Variants in RYR3 observed in about 807,000 individuals in gnomAD.
The protein encoded by RYR3 is ryanodine receptor 3.
Under a neutral mutation model 584.3 loss-of-function variants are expected in RYR3, and 207 were observed. The observed-to-expected ratio is 0.35, with a 90% confidence interval of 0.32 to 0.40. The LOEUF is 0.40. Among genes scored for constraint, RYR3 ranks in the 10% least tolerant of loss-of-function variants. The pLI is 1.00. For synonymous variants in RYR3, 2,416 were observed against 2,248.5 expected, an observed-to-expected ratio of 1.07 and a Z score of -2.11; for missense variants, 5,616 against 6,089.2, an observed-to-expected ratio of 0.92 and a Z score of 2.59.
rs376276450 is a variant in RYR3, at chr15:33,649,058, C to T, written c.3979-14C>T. The T allele has an allele frequency of 1.9e-4, 298 of 1,601,740 alleles. 1 individual carries two copies. The African/African-American group carries it at 2.4e-3, about 13-fold the overall frequency. ...GCTGGGGGCCATTGACTCCCCTCTG[C>T]GGTCTCTCCACAGCAGTGCTACTAC... On this transcript the variant is annotated splice_polypyrimidine_tract_variant and intron_variant, in intron 30 of 103. Coordinates refer to ENST00000634891, the MANE Select transcript of RYR3 (RefSeq NM_001036.6).
At chr15:33,350,230 C>A (rs543737176) in intron 1 of RYR3, among the ~76,000 whole-genome samples, 1 of 152,062 alleles carries the variant, frequency 6.6e-6, no homozygotes. Context: ...TATATATGCA[C>A]CCAATACAGG....
At chr15:33,404,585 G>GTTTTTTTTTTTTTTTTT (rs200311525) in intron 1 of RYR3, among the ~76,000 whole-genome samples, 2 of 127,762 alleles carry the variant, frequency 1.6e-5, no homozygotes, top group Non-Finnish European at 1.6e-5. Flanking sequence ...ATTTACTACT[G>GTTTTTTTTTTTTTTTTT]TGTGTTTTTT....
chr15:33,428,597 T>C (rs79207733), intron 1 of RYR3, among the ~76,000 whole-genome samples: 2,751 of 152,290 alleles, frequency 0.018, 78 homozygotes, highest in African/African-American at 0.06. Flanking sequence ...TTCAGAGTTT[T>C]TTTTTCTGTC....
At chr15:33,357,437 C>G (rs1974137233) in intron 1 of RYR3, among the ~76,000 whole-genome samples, 1 of 152,150 alleles carries the variant, frequency 6.6e-6, no homozygotes, top group Non-Finnish European at 1.5e-5. Flanking sequence ...CTTTGTCACC[C>G]TCACCTGTCA....
chr15:33,833,876 G>T (rs574947571), intron 86 of RYR3, among the ~76,000 whole-genome samples: 2 of 152,268 alleles, frequency 1.3e-5, no homozygotes, highest in Admixed American at 1.3e-4. Context: ...TAATATATGT[G>T]TTCCTTTTAG....
intron 1 of RYR3, among the ~76,000 whole-genome samples, chr15:33,428,063 A>G (rs2044793732): frequency 6.6e-6 from 1 of 152,060 alleles, no homozygotes; most frequent in African/African-American, 2.4e-5. Flanking sequence ...ATTGTCTGTT[A>G]TCTTTGTATT....
intron 60 of RYR3, among the ~76,000 whole-genome samples, chr15:33,759,474 C>T (rs2072210389): frequency 6.6e-6 from 1 of 151,218 alleles, no homozygotes; most frequent in Admixed American, 6.6e-5. Context: ...AGCTGAAAAA[C>T]ACAGCACAAG....
chr15:33,587,474 A>G (rs2058915409), intron 16 of RYR3, among the ~76,000 whole-genome samples: 1 of 152,208 alleles, frequency 6.6e-6, no homozygotes, highest in South Asian at 2.1e-4. Context: ...AAAAGCCACA[A>G]AGCATTTGAT....
intron 38 of RYR3, among the ~76,000 whole-genome samples, chr15:33,680,128 A>G (rs1044160347): frequency 2.0e-5 from 3 of 152,336 alleles, no homozygotes; most frequent in Admixed American, 6.5e-5. Context: ...TGAGAATAAT[A>G]GTAGCTCCTA....
intron 1 of RYR3, among the ~76,000 whole-genome samples, chr15:33,438,807 G>T (rs905317986): frequency 2.0e-5 from 3 of 151,676 alleles, no homozygotes; most frequent in Admixed American, 2.0e-4. Context: ...ATAACTAAAA[G>T]AATGGACTCT....
rs2068155098 is a variant in RYR3, at chr15:33,724,054, G to C, written c.6801-11G>C. ...ACCTTCCTCACACCTCCCCTCTGTT[G>C]GTTCTCTCAGCAGCACGGGGGACGA... is the stretch of plus-strand genomic sequence containing the variant. On this transcript the variant is annotated splice_polypyrimidine_tract_variant and intron_variant, in intron 44 of 103. Transcript: ENST00000634891. 2.0e-6 allele frequency: 3 copies of C among 1,525,346 alleles called. No homozygotes were observed. In the South Asian group the frequency reaches 3.4e-5, roughly 17 times the overall value. The allele number at this position is 1,525,346 out of a possible 1,614,324, so 94.5% of individuals were successfully genotyped here.
At chr15:33,684,071 A>G (rs2064822304) in intron 38 of RYR3, among the ~76,000 whole-genome samples, 1 of 152,266 alleles carries the variant, frequency 6.6e-6, no homozygotes, top group Admixed American at 6.5e-5. Flanking sequence ...AGCTGAACAA[A>G]AGGCAGCAGA....
Position 33,854,831 on chromosome 15 carries a change from T to C in RYR3, c.13926T>C (p.Phe4642=). 6.2e-7 allele frequency: 1 copy of C among 1,613,964 alleles called. No individual in the cohort carries two copies. Among genetic ancestry groups the C allele is most frequent in the South Asian group, 1.1e-5 (1 of 91,046 alleles). Residue 4642 remains phenylalanine, a synonymous_variant, in exon 98 of 104, where the codon TTT becomes TTC. Transcript: ENST00000634891. Reference sequence around the variant, plus strand: ...TGGGCCACTACAATAACTTCTTCTTTGCTGCTCACCTATTGGACATCGCAA... The same window carrying C: ...TGGGCCACTACAATAACTTCTTCTTCGCTGCTCACCTATTGGACATCGCAA... ...SVLGHYNNFF[F]AAHLLDIAMG... is the part of the protein sequence containing the mutation.
chr15:33,838,218 GA>G lies in RYR3; in HGVS notation c.12242del (p.Lys4081ArgfsTer6). ...FDVVNEGGEQEKMELFVNFCE... is the reference protein window; with the variant it reads ...FDVVNEGGEQXKMELFVNFCE... ...TGTTGTCAATGAAGGTGGGGAGCAG[GA>G]AAAGATGGAGCTGTTTGTGAACTTC... On this transcript the variant is annotated frameshift_variant, in exon 89 of 104. Coordinates refer to ENST00000634891, the MANE Select transcript of RYR3 (RefSeq NM_001036.6). LOFTEE classifies it high-confidence loss of function. 5 of 1,614,030 alleles carry G rather than the reference GA, an allele frequency of 3.1e-6. No individual in the cohort carries two copies. Among genetic ancestry groups the G allele is most frequent in the Non-Finnish European group, 4.2e-6 (5 of 1,179,896 alleles).
intron 55 of RYR3, among the ~76,000 whole-genome samples, chr15:33,748,934 G>T (rs2071013501): frequency 6.6e-6 from 1 of 152,018 alleles, no homozygotes; most frequent in Non-Finnish European, 1.5e-5. Flanking sequence ...ATTATCTCTA[G>T]ATTATTTATA....
Position 33,701,050 on chromosome 15 carries a change from G to A in RYR3, c.6453G>A (p.Ala2151=), listed in dbSNP as rs770216543. 5.0e-6 allele frequency: 8 copies of A among 1,613,100 alleles called. No individual in the cohort carries two copies. The highest frequency in any genetic ancestry group is 1.3e-5 in the African/African-American group (1 of 74,918). The change falls in exon 42 of 104, where the codon GCG becomes GCA. Residue 2151 remains alanine (A), a synonymous_variant. Coordinates refer to ENST00000634891, the MANE Select transcript of RYR3 (RefSeq NM_001036.6). ...ASSVMDNNEL[A]LSLEEPDLEK... ...CTGTGATGGACAACAATGAGTTAGCGCTGAGCTTAGAGGAACCAGACCTCG... is the reference window on the plus strand; with the variant it reads ...CTGTGATGGACAACAATGAGTTAGCACTGAGCTTAGAGGAACCAGACCTCG...
intron 1 of RYR3, among the ~76,000 whole-genome samples, chr15:33,365,313 A>C (rs1975338286): frequency 6.6e-6 from 1 of 152,192 alleles, no homozygotes; most frequent in African/African-American, 2.4e-5. Flanking sequence ...ATTCCATGGG[A>C]CCAAAAGTCA....
At chr15:33,435,438 G>A (rs2045598832) in intron 1 of RYR3, among the ~76,000 whole-genome samples, 2 of 152,152 alleles carry the variant, frequency 1.3e-5, no homozygotes, top group African/African-American at 4.8e-5. Flanking sequence ...TCCAGTCAGT[G>A]TATAGTTTGG....
chr15:33,702,408 AT>A (rs1330999669), intron 42 of RYR3, among the ~76,000 whole-genome samples: 1 of 152,200 alleles, frequency 6.6e-6, no homozygotes, highest in Non-Finnish European at 1.5e-5. Flanking sequence ...TTCAATTAAT[AT>A]TGATGCAGTG....
Sources: gnomAD v4.1 joint callset for allele counts (sites outside exome capture counted in the v4.1 genomes callset) on GRCh38, gnomAD v4.1.1 for gene constraint, MANE v1.5 for transcripts, NCBI Gene and HGNC (gene_info 2026-07-23, HGNC 2026-07-21) for gene names.